Variants in CENPH observed in about 807,000 individuals in gnomAD.
CENPH encodes centromere protein H.
A neutral mutation model predicts 42.9 loss-of-function variants in CENPH; 40 were observed. That is an observed-to-expected ratio of 0.93 (90% confidence interval 0.72 to 1.21). The LOEUF (loss-of-function observed/expected upper bound fraction) is 1.21, where lower values mean the gene tolerates loss of function less well. Among genes scored for constraint, CENPH ranks in the 50% most tolerant of loss-of-function variants. The probability of loss-of-function intolerance (pLI) is 0.00; values close to 1 mark genes in which losing one functional copy is unlikely to be tolerated. For missense variants in CENPH, 302 were observed against 292.9 expected (o/e 1.03, Z -0.23); for synonymous variants, 88 against 96.5 (o/e 0.91, Z 0.52).
At position 69,208,215 on chromosome 5, in the gene CENPH, A is replaced by C; in HGVS notation, c.507A>C (p.Glu169Asp). ...TAACAGAATTAAAACAAGCTTCAGA[A>C]AGTAAGCTTTTAGAAATACAGACTG... Reference protein sequence around the residue: ...KKRLQLKQASESKLLEIQTEK... With the variant: ...KKRLQLKQASDSKLLEIQTEK... The change falls in exon 8 of 9, where the codon GAA (glutamate) becomes GAC (aspartate). Residue 169 changes from glutamate (E) to aspartate (D), a missense_variant. Transcript: ENST00000283006. 1 of 1,565,250 alleles carries C rather than the reference A, an allele frequency of 6.4e-7. No homozygotes were observed.
At chr5:69,207,917 C>T (rs1407384537) in intron 7 of CENPH, 1 of 195,842 alleles carries the variant, frequency 5.1e-6, no homozygotes, top group East Asian at 1.1e-4. Flanking sequence ...GCCCTCATTA[C>T]ATGATGCCAC....
At chr5:69,200,339 A>G (rs901057460) in intron 5 of CENPH, among the ~76,000 whole-genome samples, 2 of 152,170 alleles carry the variant, frequency 1.3e-5, no homozygotes, top group African/African-American at 4.8e-5. Context: ...ACTGCCAACT[A>G]ACTTCTAACT....
chr5:69,202,656 G>A (rs2112091036), intron 6 of CENPH, 87 bp downstream of exon 6: 1 of 828,988 alleles, frequency 1.2e-6, no homozygotes, highest in East Asian at 2.5e-5. Context: ...TGATTAAATA[G>A]ATTGTCCAAA....
At chr5:69,200,717 A>ATTTTT (rs1554058445) in intron 5 of CENPH, among the ~76,000 whole-genome samples, 6 of 40,970 alleles carry the variant, frequency 1.5e-4, no homozygotes, top group Non-Finnish European at 1.7e-4. Flanking sequence ...GAATCAGCGT[A>ATTTTT]TCTTTTTTTT....
chr5:69,191,806 A>G lies in CENPH; in HGVS notation c.146A>G (p.Gln49Arg). The change falls in exon 2 of 9, where the codon CAG becomes CGG. Residue 49 changes from glutamine (Q) to arginine (R), a missense_variant. Transcript: ENST00000283006. ...RMTLLLRLRA[Q>R]TKQQLLEYKS... ...TTATCTGTTTTCAGGCTGAGAGCAC[A>G]GACAAAACAACAACTCTTAGAATAT... The G allele has an allele frequency of 6.4e-7, 1 of 1,552,238 alleles. No homozygotes were observed. Among genetic ancestry groups the G allele is most frequent in the East Asian group, 2.2e-5 (1 of 44,514 alleles).
In CENPH at chr5:69,189,815, C is replaced by T. The variant is rs763250018; in HGVS notation, c.134+47C>T. ...AGCCGGGGCCAAGTGGGCGTTGTGG[C>T]CCGGAACTCCGCCCTTGCTCAGAAG... On this transcript the variant is annotated intron_variant, in intron 1 of 8. Transcript: ENST00000283006. The T allele has an allele frequency of 5.3e-5, 75 of 1,416,674 alleles. 1 individual carries two copies. The highest frequency in any genetic ancestry group is 6.4e-5 in the Non-Finnish European group (70 of 1,088,474). The allele number at this position is 1,416,674 out of a possible 1,614,324, so 87.8% of individuals were successfully genotyped here. A position where few individuals can be genotyped will look rare whatever the true frequency, so the allele number is the denominator to read the frequency against.
chr5:69,208,549 G>A (rs2637129), intron 8 of CENPH, among the ~76,000 whole-genome samples, 190 bp downstream of exon 8: 67,754 of 151,834 alleles, frequency 0.45, 15,238 homozygotes, highest in South Asian at 0.55. Flanking sequence ...AGTAGAGACG[G>A]GGTTTCACCA....
At position 69,197,096 on chromosome 5, in the gene CENPH, A is replaced by G; in HGVS notation, c.358A>G (p.Ser120Gly). 1.3e-6 allele frequency: 2 copies of G among 1,581,738 alleles called. No individual in the cohort carries two copies. The highest frequency in any genetic ancestry group is 2.4e-5 in the South Asian group (2 of 84,476). ...TALKKNLEKI[S>G]RQSSVLMDNM... ...ACTTAAAAAAAACCTGGAGAAAATT[A>G]GCAGACAGTCTAGGTATGATTTTTT... Residue 120 changes from serine to glycine, a missense_variant, in exon 5 of 9, where the codon AGC becomes GGC. Ser to Gly is a moderately conservative substitution (Grantham distance 56, BLOSUM62 0). Transcript: ENST00000283006.
In CENPH at chr5:69,209,732, A is replaced by G. The variant is rs200621400; in HGVS notation, c.677A>G (p.Asn226Ser). The change falls in exon 9 of 9, where the codon AAT becomes AGT. Residue 226 changes from asparagine to serine, a missense_variant. By Grantham distance (46) the Asn-to-Ser change is conservative. Transcript: ENST00000283006. ...AACCTTATTTTGGGGAGTAAAGTCA[A>G]TTGGGCAGAGGATCCTGCCCTTAAG... ...FQNLILGSKV[N>S]WAEDPALKEI... 3.7e-6 allele frequency: 6 copies of G among 1,601,994 alleles called. No individual in the cohort carries two copies. Among genetic ancestry groups the G allele is most frequent in the African/African-American group, 2.7e-5 (2 of 74,628 alleles).
chr5:69,200,132 AACAG>A (rs1748034645), intron 5 of CENPH, among the ~76,000 whole-genome samples: 1 of 151,538 alleles, frequency 6.6e-6, no homozygotes, highest in African/African-American at 2.4e-5. Context: ...AAAAAAAAAA[AACAG>A]AAAGGTCAAA....
intron 4 of CENPH, 84 bp downstream of exon 4, chr5:69,195,875 G>T: frequency 1.5e-6 from 1 of 666,802 alleles, no homozygotes; most frequent in East Asian, 2.8e-5. Context: ...CTTTTAACTG[G>T]GCTGAGTGAA....
intron 7 of CENPH, among the ~76,000 whole-genome samples, chr5:69,204,597 C>CTTTTATTTTTTTTTT (rs1748116790): frequency 2.9e-5 from 2 of 69,576 alleles, no homozygotes; most frequent in Non-Finnish European, 5.0e-5. Flanking sequence ...GCTTGTATTT[C>CTTTTATTTTTTTTTT]TTTTTTTTTT....
In CENPH at chr5:69,208,368, T is replaced by G. The variant is rs769314658; in HGVS notation, c.651+9T>G. On this transcript the variant is annotated intron_variant, in intron 8 of 8. Transcript: ENST00000283006. ...TTCAACATGTGTTCCAGGTAACATT[T>G]ATATAAACTAGCAAGAGTTTTAATC... 1.3e-6 allele frequency: 2 copies of G among 1,548,046 alleles called. No individual in the cohort carries two copies. The highest frequency in any genetic ancestry group is 1.8e-5 in the Admixed American group (1 of 56,224).
chr5:69,199,489 A>G (rs1748024147), intron 5 of CENPH, among the ~76,000 whole-genome samples: 1 of 152,168 alleles, frequency 6.6e-6, no homozygotes, highest in African/African-American at 2.4e-5. Flanking sequence ...TTAAGGGTTT[A>G]TATAGCAGGG....
chr5:69,198,754 G>A lies in CENPH; in HGVS notation c.371+1645G>A, dbSNP rs140407195. Among the ~76,000 whole-genome samples, 507 of 152,160 alleles carry A rather than the reference G, an allele frequency of 3.3e-3. 3 individuals are homozygous for A. The highest frequency in any genetic ancestry group is 0.012 in the African/African-American group (490 of 41,532). On this transcript the variant is annotated intron_variant, in intron 5 of 8. Coordinates refer to ENST00000283006, the MANE Select transcript of CENPH (RefSeq NM_022909.4). Reference sequence around the variant, plus strand: ...TTGAGATCAGCCTGGGCAACATAGGGAGGCCTCATCTCTACAAAAAATTTT... The same window carrying A: ...TTGAGATCAGCCTGGGCAACATAGGAAGGCCTCATCTCTACAAAAAATTTT...
chr5:69,192,100 C>A (rs2112080454), intron 2 of CENPH, among the ~76,000 whole-genome samples: 1 of 152,154 alleles, frequency 6.6e-6, no homozygotes, highest in East Asian at 1.9e-4. Context: ...CCACACCTGG[C>A]CTCAAATAAG....
intron 7 of CENPH, among the ~76,000 whole-genome samples, chr5:69,206,949 A>G (rs1198427183): frequency 1.3e-5 from 2 of 151,956 alleles, no homozygotes; most frequent in African/African-American, 2.4e-5. Flanking sequence ...ACTTCTGGCA[A>G]TCTTCCTGCC....
In CENPH at chr5:69,197,318, A is replaced by G. The variant is rs536616817; in HGVS notation, c.371+209A>G. The G allele has an allele frequency of 1.8e-5, 7 of 393,946 alleles. No homozygotes were observed. In the Admixed American group the frequency reaches 2.6e-4, roughly 14 times the overall value. 24.4% of individuals were successfully genotyped at this position (393,946 alleles called of 1,614,324 possible). Reference sequence around the variant, plus strand: ...CGTATGGATTGTAACTGTAAGAAGCAGAAGAGTTTATCCAGAAGATTGGAA... The same window carrying G: ...CGTATGGATTGTAACTGTAAGAAGCGGAAGAGTTTATCCAGAAGATTGGAA... On this transcript the variant is annotated intron_variant, in intron 5 of 8. Coordinates refer to ENST00000283006, the MANE Select transcript of CENPH (RefSeq NM_022909.4).
intron 5 of CENPH, among the ~76,000 whole-genome samples, chr5:69,198,388 C>T (rs1183709348): frequency 6.6e-6 from 1 of 152,016 alleles, no homozygotes; most frequent in East Asian, 1.9e-4. Context: ...CTCTGCGGTT[C>T]AAGCAATTCT....
Sources: allele counts gnomAD v4.1 joint callset (sites outside exome capture counted in the v4.1 genomes callset), GRCh38; gene constraint gnomAD v4.1.1; transcripts MANE v1.5; gene names NCBI Gene and HGNC (gene_info 2026-07-23, HGNC 2026-07-21).